The following ANKRD62 variants were observed in gnomAD, a reference collection of about 807,000 sequenced individuals.
ANKRD62 encodes ankyrin repeat domain 62.
In ANKRD62, 61 loss-of-function variants were observed where a neutral mutation model predicts 98.8. That is an observed-to-expected ratio of 0.62 (90% CI 0.50 to 0.76). The LOEUF (loss-of-function observed/expected upper bound fraction) is 0.76, where lower values mean the gene tolerates loss of function less well. Ranked by LOEUF, ANKRD62 falls within the 30% of genes least tolerant of loss-of-function variation. The probability of loss-of-function intolerance (pLI) is 0.00; values close to 1 mark genes in which losing one functional copy is unlikely to be tolerated. For synonymous variants in ANKRD62, 341 were observed against 367.9 expected, an observed-to-expected ratio of 0.93 and a Z score of 0.84; for missense variants, 933 against 1,082.9, an observed-to-expected ratio of 0.86 and a Z score of 1.94.
the ANKRD62 span, among the ~76,000 whole-genome samples, chr18:12,181,395 T>A: frequency 6.6e-6 from 1 of 152,210 alleles, no homozygotes; most frequent in Non-Finnish European, 1.5e-5. Flanking sequence ...ACAGGACAAC[T>A]ACCTTATAAA....
chr18:12,136,391 C>G, the ANKRD62 span, among the ~76,000 whole-genome samples: 2 of 152,076 alleles, frequency 1.3e-5, no homozygotes, highest in Admixed American at 6.6e-5. Context: ...CTGTTCTTTT[C>G]CATTGGTCTA....
At chr18:12,113,179 G>C (rs1909585469) in intron 8 of ANKRD62, among the ~76,000 whole-genome samples, 1 of 152,128 alleles carries the variant, frequency 6.6e-6, no homozygotes, top group Non-Finnish European at 1.5e-5. Context: ...ACAGATGTCA[G>C]CCGCTGCTCC....
intron 10 of ANKRD62, among the ~76,000 whole-genome samples, chr18:12,118,693 T>C (rs1272981289): frequency 6.6e-6 from 1 of 152,138 alleles, no homozygotes; most frequent in African/African-American, 2.4e-5. Flanking sequence ...GGTTCCTTCA[T>C]GTATTTTCAT....
intron 10 of ANKRD62, among the ~76,000 whole-genome samples, chr18:12,117,786 C>T (rs1452254985): frequency 1.3e-5 from 2 of 152,162 alleles, no homozygotes; most frequent in African/African-American, 2.4e-5. Flanking sequence ...GAATGTTAAG[C>T]CAACCCTGCA....
intron 6 of ANKRD62, among the ~76,000 whole-genome samples, chr18:12,101,582 A>C (rs1425260403): frequency 6.6e-6 from 1 of 152,196 alleles, no homozygotes; most frequent in African/African-American, 2.4e-5. Flanking sequence ...ATTTTCTGCG[A>C]TGTTTTTATT....
intron 8 of ANKRD62, among the ~76,000 whole-genome samples, chr18:12,111,609 A>T (rs543816487): frequency 6.6e-6 from 1 of 152,316 alleles, no homozygotes; most frequent in South Asian, 2.1e-4. Context: ...GAAGAGAGGA[A>T]GTCAAACTAT....
chr18:12,136,238 A>T, the ANKRD62 span, among the ~76,000 whole-genome samples: 7 of 151,892 alleles, frequency 4.6e-5, no homozygotes, highest in African/African-American at 1.4e-4. Flanking sequence ...TAAGGAAGGG[A>T]TCCAGTTTCA....
chr18:12,140,472 G>C, the ANKRD62 span, among the ~76,000 whole-genome samples: 1 of 152,138 alleles, frequency 6.6e-6, no homozygotes, highest in Non-Finnish European at 1.5e-5. Flanking sequence ...CCCCATCTTT[G>C]TGGTTTTATC....
chr18:12,095,675 T>A (rs1909167247), intron 3 of ANKRD62, 65 bp downstream of exon 3: 1 of 1,329,198 alleles, frequency 7.5e-7, no homozygotes, highest in Non-Finnish European at 9.8e-7. Context: ...TGACATATGA[T>A]TTTTTTTAGT....
At chr18:12,139,859 C>T in the ANKRD62 span, among the ~76,000 whole-genome samples, 1 of 152,020 alleles carries the variant, frequency 6.6e-6, no homozygotes, top group Non-Finnish European at 1.5e-5. Flanking sequence ...ATCTTTGTGG[C>T]ATTCTCTGTA....
intron 8 of ANKRD62, among the ~76,000 whole-genome samples, chr18:12,114,732 A>G (rs1473344267): frequency 2.6e-5 from 4 of 152,222 alleles, no homozygotes; most frequent in Non-Finnish European, 2.9e-5. Context: ...TCTTAGTACC[A>G]GTAAAACTTT....
At chr18:12,172,982 C>A in the ANKRD62 span, among the ~76,000 whole-genome samples, 1 of 152,196 alleles carries the variant, frequency 6.6e-6, no homozygotes, top group Non-Finnish European at 1.5e-5. Context: ...GTGGGAGTAT[C>A]CCAGTTTTCC....
At chr18:12,111,477 G>A (rs771349773) in intron 8 of ANKRD62, among the ~76,000 whole-genome samples, 3 of 152,042 alleles carry the variant, frequency 2.0e-5, no homozygotes, top group Non-Finnish European at 2.9e-5. Context: ...AGCTGGAAGC[G>A]GTCCCCTTGA....
chr18:12,119,346 C>CTTTTT (rs56255574), intron 10 of ANKRD62, among the ~76,000 whole-genome samples: 1 of 132,532 alleles, frequency 7.5e-6, no homozygotes, highest in Non-Finnish European at 1.6e-5. Flanking sequence ...TGATCTTCTT[C>CTTTTT]TTTTTTTTTT....
chr18:12,158,626 C>T, the ANKRD62 span, among the ~76,000 whole-genome samples: 14 of 151,786 alleles, frequency 9.2e-5, no homozygotes, highest in East Asian at 2.3e-3. Context: ...CCCGGGTTCA[C>T]GCCATTCTCC....
the ANKRD62 span, among the ~76,000 whole-genome samples, chr18:12,136,481 G>T: frequency 6.6e-6 from 1 of 152,206 alleles, no homozygotes; most frequent in Non-Finnish European, 1.5e-5. Flanking sequence ...GTGGCCTGAT[G>T]CCTCCAGCTT....
intron 4 of ANKRD62, among the ~76,000 whole-genome samples, chr18:12,096,955 C>CT (rs1909194964): frequency 6.6e-6 from 1 of 152,042 alleles, no homozygotes; most frequent in Non-Finnish European, 1.5e-5. Flanking sequence ...CTTTTAATGA[C>CT]TACAAGCCAT....
chr18:12,109,395 G>A (rs1909486142), intron 8 of ANKRD62, among the ~76,000 whole-genome samples: 1 of 152,194 alleles, frequency 6.6e-6, no homozygotes, highest in African/African-American at 2.4e-5. Flanking sequence ...ATCATGGCTG[G>A]AGCTGGACCA....
At chr18:12,145,227 G>T in the ANKRD62 span, among the ~76,000 whole-genome samples, 1 of 152,162 alleles carries the variant, frequency 6.6e-6, no homozygotes, top group Non-Finnish European at 1.5e-5. Context: ...CACCCAAGTG[G>T]CAAAGATGTT....
Sources: gnomAD v4.1 joint callset for allele counts (sites outside exome capture counted in the v4.1 genomes callset) on GRCh38, gnomAD v4.1.1 for gene constraint, MANE v1.5 for transcripts, NCBI Gene and HGNC (gene_info 2026-07-23, HGNC 2026-07-21) for gene names.